The following CDH20 variants were observed in gnomAD, a reference collection of about 807,000 sequenced individuals.
CDH20 encodes cadherin-20.
In CDH20, 29 loss-of-function variants were observed where a neutral mutation model predicts 74.2. That is an observed-to-expected ratio of 0.39 (90% CI 0.29 to 0.53). CDH20 has a LOEUF of 0.53. Among genes scored for constraint, CDH20 ranks in the 20% least tolerant of loss-of-function variants. The pLI, the probability that CDH20 is intolerant of heterozygous loss-of-function variation, is 0.69. For missense variants in CDH20, 988 were observed against 1,048.3 expected, an observed-to-expected ratio of 0.94 and a Z score of 0.79; for synonymous variants, 469 against 405.4, an observed-to-expected ratio of 1.16 and a Z score of -1.88.
At chr18:61,405,135 C>A (rs1599062713) in intron 1 of CDH20, 36 of 621,538 alleles carry the variant, frequency 5.8e-5, no homozygotes, top group South Asian at 5.2e-4. Context: ...ATGCTTCTCA[C>A]TTTTTATAAC....
chr18:61,538,578 C>CTTTGTTT lies in CDH20; in HGVS notation c.1409-443_1409-442insGTTTTTT, dbSNP rs1555684264. Among the ~76,000 whole-genome samples the CTTTGTTT allele has an allele frequency of 5.7e-5, 2 of 35,008 alleles. 1 individual carries two copies. Among genetic ancestry groups the CTTTGTTT allele is most frequent in the Admixed American group, 9.6e-4 (2 of 2,094 alleles). 23.0% of individuals were successfully genotyped at this position (35,008 alleles called of 152,430 possible). ...TCCAGACTCACCAAGTAAATAACTA[C>CTTTGTTT]TTTTTGTTTGTTTGTTTGTTTTTGT... On this transcript the variant is annotated intron_variant, in intron 8 of 11. Coordinates refer to ENST00000262717, the MANE Select transcript of CDH20 (RefSeq NM_031891.4).
In CDH20 at chr18:61,519,579, T is replaced by A. The variant is rs148526354; in HGVS notation, c.1018-8388T>A. Among the ~76,000 whole-genome samples, 426 of 151,242 alleles carry A rather than the reference T, an allele frequency of 2.8e-3. 32 individuals are homozygous for A. The highest frequency in any genetic ancestry group is 9.7e-3 in the African/African-American group (394 of 40,728). ...TACAGACAAGCAAATGCTGAGACAT[T>A]TTGTCACCACCAGGCCTGCCTTAAA... On this transcript the variant is annotated intron_variant, in intron 6 of 11. Coordinates refer to ENST00000262717, the MANE Select transcript of CDH20 (RefSeq NM_031891.4).
At chr18:61,354,061 G>C (rs897916437) in intron 1 of CDH20, among the ~76,000 whole-genome samples, 1 of 150,602 alleles carries the variant, frequency 6.6e-6, no homozygotes, top group African/African-American at 2.4e-5. Context: ...AAAAGAAAAA[G>C]AAAAAGAAAA....
At chr18:61,498,111 G>C (rs1911234240) in intron 2 of CDH20, among the ~76,000 whole-genome samples, 1 of 152,132 alleles carries the variant, frequency 6.6e-6, no homozygotes, top group Non-Finnish European at 1.5e-5. Flanking sequence ...GTTATTAAAA[G>C]TATTCTGGCT....
intron 7 of CDH20, among the ~76,000 whole-genome samples, chr18:61,533,181 G>T (rs1442269364): frequency 6.6e-6 from 1 of 152,118 alleles, no homozygotes; most frequent in East Asian, 1.9e-4. Flanking sequence ...GGTGGTACCT[G>T]CCTCTAGTTC....
At chr18:61,484,937 G>A (rs1910707675) in intron 1 of CDH20, among the ~76,000 whole-genome samples, 1 of 152,174 alleles carries the variant, frequency 6.6e-6, no homozygotes, top group South Asian at 2.1e-4. Context: ...TGGTTGGGTG[G>A]TGGGAAGGAG....
At chr18:61,497,031 A>G (rs570894928) in intron 2 of CDH20, among the ~76,000 whole-genome samples, 1 of 151,344 alleles carries the variant, frequency 6.6e-6, no homozygotes, top group East Asian at 2.0e-4. Context: ...TTTCTATTCT[A>G]CACAACAAGA....
At position 61,554,293 on chromosome 18, in the gene CDH20, G is replaced by A. The variant is rs368637434; in HGVS notation, c.2004G>A (p.Glu668=). 1.9e-5 allele frequency: 31 copies of A among 1,613,810 alleles called. No homozygotes were observed. Among genetic ancestry groups the A allele is most frequent in the Admixed American group, 5.0e-5 (3 of 60,006 alleles). Residue 668 remains glutamate, a synonymous_variant, in exon 12 of 12, where the codon GAG becomes GAA. Transcript: ENST00000262717. ...AGAACATCGTCCGCTACGACGACGA[G>A]GGCGGCGGCGAGGAGGACACCGAGG... The part of the protein sequence containing the change: ...IHENIVRYDD[E]GGGEEDTEAF...
chr18:61,389,775 T>G (rs1009433084), intron 1 of CDH20, among the ~76,000 whole-genome samples: 1 of 152,166 alleles, frequency 6.6e-6, no homozygotes, highest in Non-Finnish European at 1.5e-5. Flanking sequence ...GCCCACTCTT[T>G]CTAAAATTTC....
At chr18:61,380,575 T>C (rs571161783) in intron 1 of CDH20, among the ~76,000 whole-genome samples, 1 of 152,314 alleles carries the variant, frequency 6.6e-6, no homozygotes, top group East Asian at 1.9e-4. Context: ...TTTGGGAGGC[T>C]GAGGTGGGTG....
intron 1 of CDH20, among the ~76,000 whole-genome samples, chr18:61,448,385 G>T (rs565851058): frequency 6.6e-6 from 1 of 152,224 alleles, no homozygotes; most frequent in East Asian, 1.9e-4. Context: ...TGGGGACTGG[G>T]CACAAACATC....
chr18:61,454,599 C>G (rs1176877035), intron 1 of CDH20, among the ~76,000 whole-genome samples: 3 of 152,198 alleles, frequency 2.0e-5, no homozygotes, highest in Admixed American at 6.5e-5. Flanking sequence ...TGCCTTTCAG[C>G]CACCCTCTTC....
intron 1 of CDH20, among the ~76,000 whole-genome samples, chr18:61,481,061 C>A (rs1910572061): frequency 6.6e-6 from 1 of 152,156 alleles, no homozygotes; most frequent in Non-Finnish European, 1.5e-5. Context: ...TACTTTTCTA[C>A]CGTTTAAAAA....
chr18:61,552,776 G>GAGC (rs1913480795), intron 11 of CDH20, among the ~76,000 whole-genome samples: 1 of 152,160 alleles, frequency 6.6e-6, no homozygotes, highest in Non-Finnish European at 1.5e-5. Context: ...TAGCATAGAG[G>GAGC]ATTAAAAATA....
At chr18:61,409,239 A>G (rs1280942743) in intron 1 of CDH20, among the ~76,000 whole-genome samples, 1 of 152,130 alleles carries the variant, frequency 6.6e-6, no homozygotes, top group East Asian at 1.9e-4. Flanking sequence ...GACGGTTCTC[A>G]CTGTGGAGAA....
At chr18:61,387,790 C>T (rs1911651267) in intron 1 of CDH20, among the ~76,000 whole-genome samples, 1 of 152,046 alleles carries the variant, frequency 6.6e-6, no homozygotes, top group South Asian at 2.1e-4. Flanking sequence ...CAATGTCTAC[C>T]CAATTAAACT....
chr18:61,350,302 T>A (rs1165801517), intron 1 of CDH20, among the ~76,000 whole-genome samples: 3 of 152,128 alleles, frequency 2.0e-5, no homozygotes, highest in Non-Finnish European at 4.4e-5. Flanking sequence ...CTATAAAAAA[T>A]TATTGCTGAT....
chr18:61,436,772 A>G (rs1286666174), intron 1 of CDH20, among the ~76,000 whole-genome samples: 1 of 152,126 alleles, frequency 6.6e-6, no homozygotes, highest in East Asian at 1.9e-4. Flanking sequence ...ATTCACATTC[A>G]AGACCAGCCT....
At chr18:61,432,264 A>C (rs953197290) in intron 1 of CDH20, among the ~76,000 whole-genome samples, 319 of 149,576 alleles carry the variant, frequency 2.1e-3, no homozygotes, top group Non-Finnish European at 2.7e-3. Flanking sequence ...AAAAAAAAAA[A>C]CACAAAGATT....
Sources: gnomAD v4.1 joint callset for allele counts (sites outside exome capture counted in the v4.1 genomes callset) on GRCh38, gnomAD v4.1.1 for gene constraint, MANE v1.5 for transcripts, NCBI Gene and HGNC (gene_info 2026-07-23, HGNC 2026-07-21) for gene names.